Variants in ROBO2 observed in about 807,000 individuals in gnomAD.
ROBO2 encodes the protein roundabout homolog 2.
A neutral mutation model predicts 160.8 loss-of-function variants in ROBO2; 53 were observed. The observed-to-expected ratio is 0.33, with a 90% confidence interval of 0.26 to 0.41. The LOEUF (loss-of-function observed/expected upper bound fraction) is 0.41. ROBO2 is among the 10% of genes least tolerant of loss of function. The probability of loss-of-function intolerance (pLI) is 1.00; values close to 1 mark genes in which losing one functional copy is unlikely to be tolerated. For missense variants in ROBO2, 1,577 were observed against 1,722.4 expected, an observed-to-expected ratio of 0.92 and a Z score of 1.49; for synonymous variants, 664 against 611.7, an observed-to-expected ratio of 1.09 and a Z score of -1.26.
At chr3:77,507,842 A>G (rs1316628329) in intron 5 of ROBO2, among the ~76,000 whole-genome samples, 1 of 152,078 alleles carries the variant, frequency 6.6e-6, no homozygotes, top group Non-Finnish European at 1.5e-5. Flanking sequence ...TCCAAGTTCT[A>G]CTTATTCAAG....
At position 76,681,458 on chromosome 3, in the gene ROBO2, C is replaced by G. The variant is rs952038577; in HGVS notation, c.110-416556C>G. 5.3e-5 allele frequency among the ~76,000 whole-genome samples: 8 copies of G among 151,936 alleles called. No homozygotes were observed. The East Asian group carries it at 1.5e-3, about 29-fold the overall frequency. On this transcript the variant is annotated intron_variant, in intron 2 of 26. Transcript: ENST00000487694. ...ATTTTACAGATTTAAAAAAATGAGG[C>G]TCAGAGAAGTTTCCAAACTCACCCA... is the stretch of plus-strand genomic sequence containing the variant.
At chr3:76,562,774 T>C (rs1263971958) in intron 2 of ROBO2, among the ~76,000 whole-genome samples, 1 of 152,208 alleles carries the variant, frequency 6.6e-6, no homozygotes, top group Non-Finnish European at 1.5e-5. Flanking sequence ...TAAAATATAT[T>C]CGTCTAATTC....
chr3:76,003,359 A>C (rs1375665804), intron 2 of ROBO2, among the ~76,000 whole-genome samples: 1 of 152,206 alleles, frequency 6.6e-6, no homozygotes, highest in African/African-American at 2.4e-5. Context: ...CGGGTATCCA[A>C]GTGATGTCAA....
intron 2 of ROBO2, among the ~76,000 whole-genome samples, chr3:77,029,542 T>C (rs543919343): frequency 1.8e-4 from 27 of 152,298 alleles, no homozygotes; most frequent in African/African-American, 5.8e-4. Flanking sequence ...GTAAATCTGG[T>C]TCTGTGATAA....
Position 76,334,051 on chromosome 3 carries a change from T to A in ROBO2, c.109+396449T>A, listed in dbSNP as rs146397410. 3.3e-3 allele frequency among the ~76,000 whole-genome samples: 506 copies of A among 152,040 alleles called. 6 individuals carry two copies. Among genetic ancestry groups the A allele is most frequent in the African/African-American group, 0.012 (491 of 41,468 alleles). ...AGATATACCTAATGTAAATGATGAG[T>A]TAATTGGTGCAGCACACCAGCATGG... On this transcript the variant is annotated intron_variant, in intron 2 of 26. Coordinates refer to the ROBO2 transcript ENST00000487694.
intron 23 of ROBO2, among the ~76,000 whole-genome samples, chr3:77,625,349 A>G (rs546082349): frequency 6.6e-6 from 1 of 151,552 alleles, no homozygotes; most frequent in East Asian, 1.9e-4. Flanking sequence ...CACATATACA[A>G]CCTTTACGAA....
At chr3:76,984,420 A>G (rs1275631928) in intron 2 of ROBO2, among the ~76,000 whole-genome samples, 1 of 152,212 alleles carries the variant, frequency 6.6e-6, no homozygotes, top group Non-Finnish European at 1.5e-5. Context: ...GAGTTTAGAA[A>G]AAGTACAAAA....
At chr3:77,195,101 C>T (rs962452783) in intron 2 of ROBO2, among the ~76,000 whole-genome samples, 7 of 152,054 alleles carry the variant, frequency 4.6e-5, no homozygotes, top group Non-Finnish European at 8.8e-5. Context: ...CTAACCACCC[C>T]TTCAAATATG....
intron 2 of ROBO2, among the ~76,000 whole-genome samples, chr3:76,145,975 C>A (rs1311496973): frequency 6.6e-6 from 1 of 151,986 alleles, no homozygotes; most frequent in Non-Finnish European, 1.5e-5. Flanking sequence ...TAACTGAAAC[C>A]TTAATTTCGT....
At chr3:76,030,355 A>C (rs1408300454) in intron 2 of ROBO2, among the ~76,000 whole-genome samples, 4 of 152,126 alleles carry the variant, frequency 2.6e-5, no homozygotes, top group Admixed American at 2.6e-4. Flanking sequence ...TGCTGGGCAG[A>C]AGCTCTTTAG....
At chr3:77,013,848 T>G (rs1271096018) in intron 2 of ROBO2, among the ~76,000 whole-genome samples, 1 of 152,226 alleles carries the variant, frequency 6.6e-6, no homozygotes, top group African/African-American at 2.4e-5. Flanking sequence ...CATTTAGTAT[T>G]TTGATACACT....
intron 2 of ROBO2, among the ~76,000 whole-genome samples, chr3:76,642,288 G>T (rs977462438): frequency 6.7e-6 from 1 of 148,308 alleles, no homozygotes; most frequent in Non-Finnish European, 1.5e-5. Context: ...GACCTTGACC[G>T]CTGTGATTTG....
chr3:76,884,051 CTCT>C (rs1359573856), intron 2 of ROBO2, among the ~76,000 whole-genome samples: 1 of 152,160 alleles, frequency 6.6e-6, no homozygotes, highest in Admixed American at 6.6e-5. Flanking sequence ...GTTTAATCAT[CTCT>C]TCTTGCTTAG....
intron 2 of ROBO2, among the ~76,000 whole-genome samples, chr3:76,545,247 A>C (rs1281516713): frequency 6.6e-6 from 1 of 151,982 alleles, no homozygotes; most frequent in African/African-American, 2.4e-5. Context: ...TCCGAAATGC[A>C]TGTGATTCAT....
intron 2 of ROBO2, among the ~76,000 whole-genome samples, chr3:76,634,160 C>T (rs571370249): frequency 6.6e-6 from 1 of 152,306 alleles, no homozygotes; most frequent in East Asian, 1.9e-4. Context: ...AATTTCTTTG[C>T]GGCTTTTCTC....
chr3:76,835,739 A>T (rs1284710089), intron 2 of ROBO2, among the ~76,000 whole-genome samples: 2 of 152,062 alleles, frequency 1.3e-5, no homozygotes, highest in Non-Finnish European at 2.9e-5. Flanking sequence ...TCTAACATGG[A>T]TCTCCAACTT....
intron 21 of ROBO2, among the ~76,000 whole-genome samples, chr3:77,611,811 T>A (rs76532758): frequency 0.01 from 1,586 of 152,306 alleles, 31 homozygotes; most frequent in African/African-American, 0.036. Context: ...TCTCCTATCA[T>A]TATTCTTCTC....
chr3:76,408,820 T>C (rs987037255), intron 2 of ROBO2, among the ~76,000 whole-genome samples: 37 of 152,114 alleles, frequency 2.4e-4, no homozygotes, highest in African/African-American at 8.7e-4. Flanking sequence ...GGTATCTGAA[T>C]ATATCAAAAT....
At chr3:77,633,565 G>A (rs1429630281) in intron 23 of ROBO2, 1 of 151,994 alleles carries the variant, frequency 6.6e-6, no homozygotes, top group African/African-American at 2.4e-5. Context: ...AATCTTAACT[G>A]TAATCAAATA....
Sources: gnomAD v4.1 joint callset for allele counts (sites outside exome capture counted in the v4.1 genomes callset) on GRCh38, gnomAD v4.1.1 for gene constraint, MANE v1.5 for transcripts, NCBI Gene and HGNC (gene_info 2026-07-23, HGNC 2026-07-21) for gene names.